The following FRMD3 variants were observed in gnomAD, a reference collection of about 807,000 sequenced individuals.
FRMD3 encodes FERM domain containing 3, also known as FERM domain-containing protein 3.
A neutral mutation model predicts 70.2 loss-of-function variants in FRMD3; 33 were observed. That is an observed-to-expected ratio of 0.47 (90% CI 0.36 to 0.63). The LOEUF is 0.63. Among genes scored for constraint, FRMD3 ranks in the 20% least tolerant of loss-of-function variants. FRMD3 has a pLI of 0.00. For synonymous variants in FRMD3, 279 were observed against 255.9 expected (o/e 1.09, Z -0.86); for missense variants, 632 against 711.4 (o/e 0.89, Z 1.27).
chr9:83,281,001 G>A (rs1487236693), intron 13 of FRMD3, among the ~76,000 whole-genome samples: 1 of 152,130 alleles, frequency 6.6e-6, no homozygotes, highest in Non-Finnish European at 1.5e-5. Flanking sequence ...AACCTTGCCT[G>A]TATTGCCTCA....
chr9:83,553,742 T>C, the FRMD3 span, among the ~76,000 whole-genome samples: 1 of 152,220 alleles, frequency 6.6e-6, no homozygotes, highest in Non-Finnish European at 1.5e-5. Flanking sequence ...TATTTTGTCC[T>C]TCAGCTCCTG....
intron 1 of FRMD3, among the ~76,000 whole-genome samples, chr9:83,434,276 C>T (rs1827066169): frequency 1.3e-5 from 2 of 152,190 alleles, no homozygotes; most frequent in Admixed American, 1.3e-4. Flanking sequence ...GTGGTCTCCA[C>T]AGGCAGAAGA....
chr9:83,465,617 G>A (rs1009866690), intron 1 of FRMD3, among the ~76,000 whole-genome samples: 5 of 151,876 alleles, frequency 3.3e-5, no homozygotes, highest in Non-Finnish European at 7.4e-5. Context: ...GAATTTCTTG[G>A]AGAGGGCAAA....
intron 1 of FRMD3, among the ~76,000 whole-genome samples, chr9:83,433,914 G>A (rs1249693814): frequency 6.6e-6 from 1 of 152,200 alleles, no homozygotes; most frequent in Non-Finnish European, 1.5e-5. Context: ...GTGCAGCCCG[G>A]TTCCTACTGG....
At chr9:83,310,345 T>C (rs1835304595) in intron 9 of FRMD3, 140 bp downstream of exon 9, 1 of 740,222 alleles carries the variant, frequency 1.4e-6, no homozygotes. Context: ...TCTAAAATAT[T>C]TTTAGCATAT....
chr9:83,540,831 C>T (rs1829991847), upstream of FRMD3, among the ~76,000 whole-genome samples: 1 of 152,172 alleles, frequency 6.6e-6, no homozygotes, highest in Non-Finnish European at 1.5e-5. Flanking sequence ...GTTAATTGAG[C>T]CACAAGGCCA....
At chr9:83,388,250 G>A (rs1413285563) in intron 2 of FRMD3, among the ~76,000 whole-genome samples, 1 of 152,132 alleles carries the variant, frequency 6.6e-6, no homozygotes, top group Non-Finnish European at 1.5e-5. Flanking sequence ...CACTCTGTGA[G>A]CCTCTCCTCA....
intron 12 of FRMD3, among the ~76,000 whole-genome samples, chr9:83,294,838 C>T (rs1259453757): frequency 2.6e-5 from 4 of 152,222 alleles, no homozygotes; most frequent in African/African-American, 9.6e-5. Context: ...CTACTGTCCT[C>T]CTGTTTCTGG....
chr9:83,299,903 G>A (rs529218120), intron 10 of FRMD3, among the ~76,000 whole-genome samples: 168 of 152,334 alleles, frequency 1.1e-3, no homozygotes, highest in Middle Eastern at 3.4e-3. Context: ...CTGGGCTGCC[G>A]GAAGGCTGCA....
intron 3 of FRMD3, among the ~76,000 whole-genome samples, chr9:83,359,663 T>A (rs1030394835): frequency 6.6e-6 from 1 of 152,220 alleles, no homozygotes; most frequent in African/African-American, 2.4e-5. Flanking sequence ...TTTGTATCAT[T>A]TTTGTATGCC....
At chr9:83,313,970 G>A (rs1248329843) in intron 6 of FRMD3, among the ~76,000 whole-genome samples, 8 of 152,126 alleles carry the variant, frequency 5.3e-5, no homozygotes, top group Non-Finnish European at 1.2e-4. Flanking sequence ...AAACCCACAC[G>A]CACTCTGAGC....
intron 1 of FRMD3, among the ~76,000 whole-genome samples, chr9:83,533,184 C>T (rs1323310300): frequency 6.6e-6 from 1 of 152,114 alleles, no homozygotes; most frequent in Non-Finnish European, 1.5e-5. Context: ...AGTCAAAGGA[C>T]CTGGGTTCTG....
At chr9:83,394,065 G>A (rs745460529) in intron 1 of FRMD3, among the ~76,000 whole-genome samples, 1 of 151,902 alleles carries the variant, frequency 6.6e-6, no homozygotes, top group Non-Finnish European at 1.5e-5. Flanking sequence ...GTGCCACCAG[G>A]CTTGGGGGTT....
At position 83,311,876 on chromosome 9, in the gene FRMD3, G is replaced by A. The variant is rs377323266; in HGVS notation, c.773+11C>T. ...AAAAATGGAAAGCCAGTTTTCCAAA[G>A]AGGCACTTACCATTTTATCAAATGG... On this transcript the variant is annotated intron_variant, in intron 8 of 13. Transcript: ENST00000304195. 3.2e-6 allele frequency: 5 copies of A among 1,574,656 alleles called. No individual in the cohort carries two copies. Among genetic ancestry groups the A allele is most frequent in the Non-Finnish European group, 4.4e-6 (5 of 1,148,112 alleles).
At chr9:83,289,987 T>G (rs1834356752) in intron 13 of FRMD3, among the ~76,000 whole-genome samples, 1 of 152,210 alleles carries the variant, frequency 6.6e-6, no homozygotes, top group Non-Finnish European at 1.5e-5. Context: ...CAGTGGACAC[T>G]TCACTTTTTT....
At chr9:83,543,739 T>C in the FRMD3 span, among the ~76,000 whole-genome samples, 1 of 152,260 alleles carries the variant, frequency 6.6e-6, no homozygotes, top group African/African-American at 2.4e-5. Flanking sequence ...AAAGAAACCA[T>C]AGAGTGTGCT....
At chr9:83,310,047 C>A (rs1273237982) in intron 9 of FRMD3, among the ~76,000 whole-genome samples, 1 of 152,212 alleles carries the variant, frequency 6.6e-6, no homozygotes, top group African/African-American at 2.4e-5. Flanking sequence ...CAAATGCATT[C>A]CCTGGTGAAT....
intron 1 of FRMD3, among the ~76,000 whole-genome samples, chr9:83,489,921 G>T (rs1266919994): frequency 1.3e-5 from 2 of 152,170 alleles, no homozygotes; most frequent in African/African-American, 4.8e-5. Flanking sequence ...CACACACTCA[G>T]TAGGCCAGGT....
At chr9:83,559,055 A>ATTT in the FRMD3 span, among the ~76,000 whole-genome samples, 1 of 152,234 alleles carries the variant, frequency 6.6e-6, no homozygotes, top group Non-Finnish European at 1.5e-5. Flanking sequence ...AAATGGCAAC[A>ATTT]AAAAATTTAG....
Sources: gnomAD v4.1 joint callset for allele counts (sites outside exome capture counted in the v4.1 genomes callset) on GRCh38, gnomAD v4.1.1 for gene constraint, MANE v1.5 for transcripts, NCBI Gene and HGNC (gene_info 2026-07-23, HGNC 2026-07-21) for gene names.